The following SGCG variants were observed in gnomAD, a reference collection of about 807,000 sequenced individuals.
The protein encoded by SGCG is gamma-sarcoglycan.
In SGCG, 26 loss-of-function variants were observed where a neutral mutation model predicts 29.3. The ratio of observed to expected loss-of-function variants is 0.89; its 90% CI spans 0.65 to 1.23. The LOEUF is 1.23. Ranked by LOEUF, SGCG falls within the 50% of genes most tolerant of loss-of-function variation. The probability of loss-of-function intolerance (pLI) is 0.00; values close to 1 mark genes in which losing one functional copy is unlikely to be tolerated. For synonymous variants in SGCG, 145 were observed against 129.7 expected (o/e 1.12, Z -0.80); for missense variants, 353 against 356.0 (o/e 0.99, Z 0.07).
intron 2 of SGCG, among the ~76,000 whole-genome samples, chr13:23,233,609 G>A (rs1246693806): frequency 6.6e-6 from 1 of 152,004 alleles, no homozygotes; most frequent in African/African-American, 2.4e-5. Flanking sequence ...TGGTGGTGAT[G>A]GTCACACAAC....
chr13:23,216,293 T>C (rs1200046672), intron 2 of SGCG, among the ~76,000 whole-genome samples: 1 of 152,182 alleles, frequency 6.6e-6, no homozygotes, highest in East Asian at 1.9e-4. Context: ...AACACTATAC[T>C]TTTTTGAATC....
chr13:23,221,571 A>C (rs2137528275), intron 2 of SGCG, among the ~76,000 whole-genome samples: 1 of 152,370 alleles, frequency 6.6e-6, no homozygotes, highest in South Asian at 2.1e-4. Context: ...CACAGTGCTA[A>C]GCGCTACAAA....
intron 4 of SGCG, among the ~76,000 whole-genome samples, chr13:23,276,030 C>T (rs1035605593): frequency 6.6e-6 from 1 of 152,124 alleles, no homozygotes; most frequent in African/African-American, 2.4e-5. Context: ...AAACCATTAA[C>T]TTTTTCTCTT....
At chr13:23,214,375 C>T (rs1360478981) in intron 2 of SGCG, among the ~76,000 whole-genome samples, 1 of 152,234 alleles carries the variant, frequency 6.6e-6, no homozygotes, top group Non-Finnish European at 1.5e-5. Context: ...GTGCAGCAAA[C>T]AGCAGGACCT....
intron 6 of SGCG, among the ~76,000 whole-genome samples, chr13:23,303,060 C>T (rs940630617): frequency 6.6e-6 from 1 of 152,170 alleles, no homozygotes; most frequent in Non-Finnish European, 1.5e-5. Flanking sequence ...ATGATTACCT[C>T]GTAATCACTG....
chr13:23,276,431 C>CTTTCT (rs1555242841), intron 4 of SGCG, among the ~76,000 whole-genome samples: 88 of 102,380 alleles, frequency 8.6e-4, no homozygotes, highest in Non-Finnish European at 8.2e-4. Context: ...TTTTAGTTTT[C>CTTTCT]TTTTTTTTTT....
chr13:23,270,479 G>A (rs1311968109), intron 4 of SGCG, among the ~76,000 whole-genome samples: 1 of 152,006 alleles, frequency 6.6e-6, no homozygotes, highest in Non-Finnish European at 1.5e-5. Context: ...TTGTATCTTT[G>A]TTGTGAATTA....
At chr13:23,282,508 G>A (rs771100309) in intron 5 of SGCG, among the ~76,000 whole-genome samples, 1 of 152,076 alleles carries the variant, frequency 6.6e-6, no homozygotes. Flanking sequence ...GTAAGCCTCA[G>A]TGTGTGTTGT....
At chr13:23,261,568 G>A (rs1252065734) in intron 4 of SGCG, among the ~76,000 whole-genome samples, 1 of 152,030 alleles carries the variant, frequency 6.6e-6, no homozygotes, top group African/African-American at 2.4e-5. Flanking sequence ...AAAACAAAAT[G>A]TTTGGAAAAT....
chr13:23,224,827 A>G (rs1878835695), intron 2 of SGCG, among the ~76,000 whole-genome samples: 1 of 152,136 alleles, frequency 6.6e-6, no homozygotes, highest in Non-Finnish European at 1.5e-5. Flanking sequence ...TAAATTCCCA[A>G]TGCCCAGATC....
At chr13:23,238,052 CA>C (rs1879377519) in intron 3 of SGCG, among the ~76,000 whole-genome samples, 1 of 152,040 alleles carries the variant, frequency 6.6e-6, no homozygotes, top group South Asian at 2.1e-4. Context: ...ATATATGAAA[CA>C]GTGGTTTTCA....
chr13:23,299,452 A>ATTTTTTT (rs1433429984), intron 6 of SGCG, among the ~76,000 whole-genome samples: 8 of 43,438 alleles, frequency 1.8e-4, no homozygotes, highest in East Asian at 5.0e-4. Context: ...ATATATATAT[A>ATTTTTTT]TATATTTTTT....
intron 1 of SGCG, among the ~76,000 whole-genome samples, chr13:23,193,516 A>G (rs1428828223): frequency 2.2e-5 from 3 of 136,636 alleles, no homozygotes; most frequent in Non-Finnish European, 4.9e-5. Context: ...GATGAAGTAG[A>G]CGTGAGGTGG....
chr13:23,168,138 T>G, the SGCG span, among the ~76,000 whole-genome samples: 11 of 152,332 alleles, frequency 7.2e-5, no homozygotes, highest in African/African-American at 2.4e-4. Context: ...ATGGGTAGTT[T>G]GCAAATATTT....
chr13:23,165,513 C>T, the SGCG span, among the ~76,000 whole-genome samples: 8 of 146,968 alleles, frequency 5.4e-5, 1 homozygote, highest in African/African-American at 2.1e-4. Context: ...ATACTCATTT[C>T]AGTAGGAGGC....
rs559011897 is a variant in SGCG, at chr13:23,240,335, T to C, written c.297+5623T>C. ...ATCAATATACATGAAGCAAAACTGA[T>C]AGATTGTAAGAAAGGAATAGAAATA... On this transcript the variant is annotated intron_variant, in intron 3 of 7. Transcript: ENST00000218867. Among the ~76,000 whole-genome samples the C allele has an allele frequency of 8.3e-4, 127 of 152,298 alleles. 1 individual carries two copies. The highest frequency in any genetic ancestry group is 3.0e-3 in the African/African-American group (123 of 41,564).
Position 23,203,729 on chromosome 13 carries a change from G to A in SGCG, c.35G>A (p.Gly12Asp). The A allele has an allele frequency of 1.9e-6, 3 of 1,613,930 alleles. No individual in the cohort carries two copies. Among genetic ancestry groups the A allele is most frequent in the East Asian group, 2.2e-5 (1 of 44,872 alleles). ...GAGCAGTACACTACAGCCACAGAAG[G>A]CATCTGCATAGAGAGGCCAGAGAAT... ...VREQYTTATE[G>D]ICIERPENQY... The change falls in exon 2 of 8, where the codon GGC becomes GAC. Residue 12 changes from glycine (G) to aspartate (D), a missense_variant. Transcript: ENST00000218867.
chr13:23,212,481 G>C (rs1192412664), intron 2 of SGCG, among the ~76,000 whole-genome samples: 3 of 152,116 alleles, frequency 2.0e-5, no homozygotes, highest in Middle Eastern at 3.4e-3. Context: ...AGTATTTCTT[G>C]AGTTGATAAA....
chr13:23,214,467 C>G (rs2137517307), intron 2 of SGCG, among the ~76,000 whole-genome samples: 1 of 152,268 alleles, frequency 6.6e-6, no homozygotes, highest in Non-Finnish European at 1.5e-5. Flanking sequence ...TATTATCTGG[C>G]ACATAAACAA....
Sources: allele counts gnomAD v4.1 joint callset (sites outside exome capture counted in the v4.1 genomes callset), GRCh38; gene constraint gnomAD v4.1.1; transcripts MANE v1.5; gene names NCBI Gene and HGNC (gene_info 2026-07-23, HGNC 2026-07-21).